The following GRIP1 variants were observed in gnomAD, a reference collection of about 807,000 sequenced individuals.
The protein encoded by GRIP1 is glutamate receptor interacting protein 1, also known as glutamate receptor-interacting protein 1.
Under a neutral mutation model 129.9 loss-of-function variants are expected in GRIP1, and 45 were observed. The ratio of observed to expected loss-of-function variants is 0.35; its 90% CI spans 0.27 to 0.44. The LOEUF is 0.44. GRIP1 is among the 20% of genes least tolerant of loss of function. The pLI, the probability that GRIP1 is intolerant of heterozygous loss-of-function variation, is 1.00. For synonymous variants in GRIP1, 530 were observed against 520.8 expected (o/e 1.02, Z -0.24); for missense variants, 1,196 against 1,396.8 (o/e 0.86, Z 2.29).
At position 66,823,310 on chromosome 12, in the gene GRIP1, T is replaced by G. The variant is rs143696709; in HGVS notation, c.59-226383A>C. On this transcript the variant is annotated intron_variant, in intron 1 of 1. Transcript: ENST00000643019. ...CTGTTTTTTTATAATTATGTGTTAT[T>G]TGGTACATGTTGGTAATGGTTCTCA... Among the ~76,000 whole-genome samples, 243 of 152,300 alleles carry G rather than the reference T, an allele frequency of 1.6e-3. 2 individuals are homozygous for G. Among genetic ancestry groups the G allele is most frequent in the African/African-American group, 5.4e-3 (225 of 41,574 alleles).
rs773210298 is a variant in GRIP1, at chr12:66,432,627, C to T, written c.1689G>A (p.Glu563=). ...ATGTTCCACTACTTGGGATGACAGA[C>T]TCTAATATCAAAACAAAAAAGAATG... The part of the protein sequence containing the change: ...VTLEIEFDVA[E]SVIPSSGTFH... Residue 563 remains glutamate (E), a splice_region_variant and synonymous_variant, in exon 14 of 25, where the codon GAG becomes GAA. Coordinates refer to ENST00000359742, the MANE Select transcript of GRIP1 (RefSeq NM_001366722.1). The T allele has an allele frequency of 5.7e-6, 9 of 1,576,894 alleles. No individual in the cohort carries two copies. The highest frequency in any genetic ancestry group is 2.2e-5 in the East Asian group (1 of 44,656).
chr12:66,812,300 A>G (rs2039119275), intron 1 of GRIP1, among the ~76,000 whole-genome samples: 1 of 151,926 alleles, frequency 6.6e-6, no homozygotes, highest in Admixed American at 6.6e-5. Context: ...TGCTTGGCTA[A>G]TTTTTTGTAT....
At chr12:67,011,671 T>C (rs1181268204) in intron 1 of GRIP1, among the ~76,000 whole-genome samples, 1 of 152,146 alleles carries the variant, frequency 6.6e-6, no homozygotes, top group Non-Finnish European at 1.5e-5. Flanking sequence ...AAGGTTTCAC[T>C]TACTGCCCAG....
chr12:66,495,689 G>T (rs2060219807), intron 7 of GRIP1, among the ~76,000 whole-genome samples: 1 of 151,956 alleles, frequency 6.6e-6, no homozygotes, highest in African/African-American at 2.4e-5. Flanking sequence ...CTGCGGGAAA[G>T]GCTGCCAAGC....
chr12:66,432,722 A>C, intron 13 of GRIP1, 94 bp from the exon 14 acceptor site: 1 of 719,132 alleles, frequency 1.4e-6, no homozygotes, highest in Non-Finnish European at 2.4e-6. Flanking sequence ...TATCATAATC[A>C]TATGTAGCTA....
chr12:67,030,084 G>A lies in GRIP1; in HGVS notation c.58+38966C>T, dbSNP rs369080776. Among the ~76,000 whole-genome samples, 10 of 150,002 alleles carry A rather than the reference G, an allele frequency of 6.7e-5. No homozygotes were observed. The East Asian group carries it at 1.8e-3, about 26-fold the overall frequency. ...AAATTAGCCAGGTGTGGTGGCAGGC[G>A]CCTGTAGTCCCAGCTACTGGGGAGG... On this transcript the variant is annotated intron_variant, in intron 1 of 1. Transcript: ENST00000643019.
At chr12:66,608,955 ATTATAT>A (rs1237812358) in intron 1 of GRIP1, among the ~76,000 whole-genome samples, 9 of 143,292 alleles carry the variant, frequency 6.3e-5, no homozygotes, top group African/African-American at 2.2e-4. Flanking sequence ...TATTATTATT[ATTATAT>A]TATATATATA....
chr12:66,593,563 T>C (rs1031643014), intron 2 of GRIP1, among the ~76,000 whole-genome samples: 11 of 152,214 alleles, frequency 7.2e-5, no homozygotes, highest in African/African-American at 2.2e-4. Context: ...TCTACATTTA[T>C]AGAATAAGTT....
At chr12:66,533,874 CACACA>C (rs2061528973) in intron 4 of GRIP1, among the ~76,000 whole-genome samples, 1 of 139,866 alleles carries the variant, frequency 7.1e-6, no homozygotes, top group African/African-American at 2.6e-5. Flanking sequence ...CACACACACA[CACACA>C]TACACACACT....
At chr12:66,953,443 G>A (rs1211597526) in intron 1 of GRIP1, among the ~76,000 whole-genome samples, 1 of 152,140 alleles carries the variant, frequency 6.6e-6, no homozygotes, top group African/African-American at 2.4e-5. Context: ...TGTGAATTGG[G>A]TGGCAATGTC....
upstream of GRIP1, among the ~76,000 whole-genome samples, chr12:66,683,640 G>A (rs974885281): frequency 1.3e-5 from 2 of 152,174 alleles, no homozygotes; most frequent in African/African-American, 2.4e-5. Flanking sequence ...ATAAAAGGGT[G>A]GGTATAATGC....
At chr12:66,888,552 G>T (rs1045389521) in intron 1 of GRIP1, among the ~76,000 whole-genome samples, 1 of 152,128 alleles carries the variant, frequency 6.6e-6, no homozygotes, top group Non-Finnish European at 1.5e-5. Flanking sequence ...TAGTAGAGAC[G>T]GTGTTTTGCC....
At chr12:66,701,402 G>T (rs11176387) in intron 1 of GRIP1, among the ~76,000 whole-genome samples, 1,787 of 152,106 alleles carry the variant, frequency 0.012, 36 homozygotes, top group African/African-American at 0.041. Flanking sequence ...TATGTACAAG[G>T]TACAAGACAT....
At chr12:66,977,812 T>TG (rs1841133651) in intron 1 of GRIP1, among the ~76,000 whole-genome samples, 1 of 89,390 alleles carries the variant, frequency 1.1e-5, no homozygotes, top group Admixed American at 1.2e-4. Flanking sequence ...TGAGCATTTT[T>TG]TTTTTTTTTT....
At chr12:66,559,285 G>C (rs1274688473) in intron 2 of GRIP1, among the ~76,000 whole-genome samples, 1 of 152,086 alleles carries the variant, frequency 6.6e-6, no homozygotes, top group Non-Finnish European at 1.5e-5. Context: ...TTAGAAAGAT[G>C]CTCAGTGTCA....
chr12:66,523,916 T>C (rs1310324831), intron 5 of GRIP1, among the ~76,000 whole-genome samples: 4 of 151,806 alleles, frequency 2.6e-5, no homozygotes, highest in Non-Finnish European at 5.9e-5. Context: ...CCAACAAAGA[T>C]CAAAAGAGAC....
Position 67,050,156 on chromosome 12 carries a change from G to A in GRIP1, c.58+18894C>T, listed in dbSNP as rs554706501. On this transcript the variant is annotated intron_variant, in intron 1 of 1. Coordinates refer to the GRIP1 transcript ENST00000643019. The stretch of plus-strand genomic sequence containing the variant: ...TTTTATGTTACAAATGTTCTTCCAA[G>A]TTTACTATTTGCCTTTTAATTTTGT... 2.0e-5 allele frequency among the ~76,000 whole-genome samples: 3 copies of A among 150,568 alleles called. No homozygotes were observed. In the South Asian group the frequency reaches 6.2e-4, roughly 31 times the overall value.
chr12:66,439,750 C>T (rs750652255), intron 13 of GRIP1, among the ~76,000 whole-genome samples: 1 of 152,154 alleles, frequency 6.6e-6, no homozygotes, highest in Non-Finnish European at 1.5e-5. Flanking sequence ...TATGATGTTA[C>T]TATCATAATT....
chr12:66,387,211 G>A (rs923424060), intron 19 of GRIP1, among the ~76,000 whole-genome samples: 1 of 152,312 alleles, frequency 6.6e-6, no homozygotes, highest in East Asian at 1.9e-4. Context: ...AGTATGCACT[G>A]CATGGCTGGT....
Sources: allele counts gnomAD v4.1 joint callset (sites outside exome capture counted in the v4.1 genomes callset), GRCh38; gene constraint gnomAD v4.1.1; transcripts MANE v1.5; gene names NCBI Gene and HGNC (gene_info 2026-07-23, HGNC 2026-07-21).